ZNF704: variants seen among roughly 807,000 people sequenced by gnomAD.
ZNF704 encodes the protein zinc finger protein 704, also known as glucocorticoid induced gene 1.
A neutral mutation model predicts 44.7 loss-of-function variants in ZNF704; 10 were observed. That is an observed-to-expected ratio of 0.22 (90% CI 0.14 to 0.38). The LOEUF is 0.38. Ranked by LOEUF, ZNF704 falls within the 10% of genes least tolerant of loss-of-function variation. The pLI is 1.00. For missense variants in ZNF704, 390 were observed against 545.5 expected, an observed-to-expected ratio of 0.71 and a Z score of 2.84; for synonymous variants, 211 against 207.6, an observed-to-expected ratio of 1.02 and a Z score of -0.14.
chr8:80,678,325 C>CTCGACCTCTTCCTTTT (rs1183826100), intron 4 of ZNF704, among the ~76,000 whole-genome samples: 2 of 149,106 alleles, frequency 1.3e-5, no homozygotes, highest in Admixed American at 1.3e-4. Context: ...CTGCTTTCTC[C>CTCGACCTCTTCCTTTT]TCGACCTCTT....
chr8:80,878,258 AAGGAAGG>A (rs1809384556), upstream of ZNF704, among the ~76,000 whole-genome samples: 7 of 19,782 alleles, frequency 3.5e-4, no homozygotes, highest in South Asian at 5.1e-3. Flanking sequence ...GAAAGAAAGG[AAGGAAGG>A]AAGGAAGGAA....
intron 1 of ZNF704, among the ~76,000 whole-genome samples, chr8:80,829,620 A>C (rs1808435056): frequency 6.6e-6 from 1 of 152,190 alleles, no homozygotes; most frequent in Admixed American, 6.5e-5. Flanking sequence ...GGAAAAAAAA[A>C]CCTGAAGCAA....
intron 5 of ZNF704, among the ~76,000 whole-genome samples, chr8:80,667,410 T>C (rs981119464): frequency 1.3e-5 from 2 of 152,194 alleles, no homozygotes; most frequent in African/African-American, 4.8e-5. Flanking sequence ...ATATTCCAGA[T>C]GAGCAGGACA....
chr8:80,729,771 G>C (rs1430975730), intron 2 of ZNF704, among the ~76,000 whole-genome samples: 2 of 152,160 alleles, frequency 1.3e-5, no homozygotes, highest in Admixed American at 6.5e-5. Context: ...TCATGGCTTT[G>C]GGAGATTCCA....
chr8:80,794,904 CT>C (rs1256821957), intron 2 of ZNF704, among the ~76,000 whole-genome samples: 2 of 152,190 alleles, frequency 1.3e-5, no homozygotes, highest in Non-Finnish European at 2.9e-5. Flanking sequence ...TTCTGAGGAA[CT>C]TTTTCATGTA....
At position 80,830,692 on chromosome 8, in the gene ZNF704, C is replaced by T. The variant is rs1808455674; in HGVS notation, c.-21-9077G>A. ...GACGGAAGGAAGGAAGGAAGGAAAC[C>T]AGAGTAACTAAGGAAGGAGGGAAAC... On this transcript the variant is annotated intron_variant, in intron 1 of 8. Transcript: ENST00000327835. Among the ~76,000 whole-genome samples the T allele has an allele frequency of 1.3e-5, 2 of 150,300 alleles. 1 individual carries two copies. The highest frequency in any genetic ancestry group is 1.3e-4 in the Admixed American group (2 of 15,064).
At chr8:80,757,023 G>A (rs184244465) in intron 2 of ZNF704, among the ~76,000 whole-genome samples, 2 of 152,326 alleles carry the variant, frequency 1.3e-5, no homozygotes, top group East Asian at 1.9e-4. Context: ...TTATAATAGA[G>A]CTGAAAAATT....
upstream of ZNF704, among the ~76,000 whole-genome samples, chr8:80,875,636 C>G (rs1249233710): frequency 6.6e-6 from 1 of 152,164 alleles, no homozygotes; most frequent in East Asian, 1.9e-4. Flanking sequence ...AAATCATACC[C>G]CCAATTCCAT....
At position 80,821,406 on chromosome 8, in the gene ZNF704, A is replaced by C. The variant is rs1335569293; in HGVS notation, c.189T>G (p.Val63=). Residue 63 remains valine (V), a synonymous_variant, in exon 2 of 9, where the codon GTT becomes GTG. Transcript: ENST00000327835. ...SICLLEQKRK[V]VSSNIDVPPA... Reference sequence around the variant, plus strand: ...GAGGAACATCAATGTTGGAGGAAACAACTTTTCTTTTTTGCTCAAGGAGAC... The same window carrying C: ...GAGGAACATCAATGTTGGAGGAAACCACTTTTCTTTTTTGCTCAAGGAGAC... 5 of 1,613,772 alleles carry C rather than the reference A, an allele frequency of 3.1e-6. No homozygotes were observed. Among genetic ancestry groups the C allele is most frequent in the Non-Finnish European group, 4.2e-6 (5 of 1,179,946 alleles).
intron 2 of ZNF704, among the ~76,000 whole-genome samples, chr8:80,774,148 C>T (rs1340483648): frequency 2.0e-5 from 3 of 151,720 alleles, no homozygotes; most frequent in Non-Finnish European, 2.9e-5. Context: ...CTCGATCTCT[C>T]GATCTCCCAG....
intron 2 of ZNF704, among the ~76,000 whole-genome samples, chr8:80,735,556 A>C (rs983700981): frequency 3.3e-5 from 5 of 152,228 alleles, no homozygotes; most frequent in Non-Finnish European, 7.3e-5. Flanking sequence ...ATCTAAGTAA[A>C]GGAGTTTCAT....
intron 1 of ZNF704, among the ~76,000 whole-genome samples, chr8:80,829,629 AAATT>A (rs772306349): frequency 7.5e-4 from 114 of 152,328 alleles, no homozygotes; most frequent in Non-Finnish European, 1.3e-3. Flanking sequence ...AACCTGAAGC[AAATT>A]AATGCAAATA....
chr8:80,838,092 A>G (rs1808611764), intron 1 of ZNF704, among the ~76,000 whole-genome samples: 2 of 152,090 alleles, frequency 1.3e-5, no homozygotes, highest in Non-Finnish European at 2.9e-5. Flanking sequence ...CTCTACTCTG[A>G]GCTCCCCATC....
At chr8:80,664,594 T>C (rs946069604) in intron 6 of ZNF704, among the ~76,000 whole-genome samples, 2 of 152,192 alleles carry the variant, frequency 1.3e-5, no homozygotes, top group African/African-American at 4.8e-5. Flanking sequence ...CATAACAATC[T>C]CTACGGGATC....
intron 7 of ZNF704, among the ~76,000 whole-genome samples, chr8:80,652,951 A>G (rs1293255600): frequency 6.6e-6 from 1 of 152,338 alleles, no homozygotes; most frequent in Admixed American, 6.5e-5. Flanking sequence ...CCAGCAGCAC[A>G]TCAAAAAGCT....
chr8:80,841,164 T>G (rs7837508), intron 1 of ZNF704, among the ~76,000 whole-genome samples: 23,191 of 152,224 alleles, frequency 0.15, 2,880 homozygotes, highest in African/African-American at 0.35. Context: ...TTTGCCACTG[T>G]GTTTGCCAAA....
intron 1 of ZNF704, among the ~76,000 whole-genome samples, chr8:80,868,340 C>A (rs953747483): frequency 6.6e-6 from 1 of 152,160 alleles, no homozygotes; most frequent in African/African-American, 2.4e-5. Context: ...CATTTAAAGC[C>A]CACATTAGTA....
intron 8 of ZNF704, among the ~76,000 whole-genome samples, chr8:80,641,987 A>G (rs1359976427): frequency 6.6e-6 from 1 of 152,256 alleles, no homozygotes; most frequent in African/African-American, 2.4e-5. Flanking sequence ...ATAAAACTGA[A>G]TTAAACAAGT....
intron 2 of ZNF704, among the ~76,000 whole-genome samples, chr8:80,757,072 T>G (rs1048741422): frequency 6.6e-6 from 1 of 152,244 alleles, no homozygotes; most frequent in Non-Finnish European, 1.5e-5. Context: ...CTTTTTATTG[T>G]TGTTTCAGAG....
Sources: gnomAD v4.1 joint callset for allele counts (sites outside exome capture counted in the v4.1 genomes callset) on GRCh38, gnomAD v4.1.1 for gene constraint, MANE v1.5 for transcripts, NCBI Gene and HGNC (gene_info 2026-07-23, HGNC 2026-07-21) for gene names.